The following SLIT3 variants were observed in gnomAD, a reference collection of about 807,000 sequenced individuals.
SLIT3 encodes slit guidance ligand 3.
Under a neutral mutation model 184.0 loss-of-function variants are expected in SLIT3, and 68 were observed. The ratio of observed to expected loss-of-function variants is 0.37; its 90% CI spans 0.30 to 0.45. The LOEUF (loss-of-function observed/expected upper bound fraction) is 0.45. Ranked by LOEUF, SLIT3 falls within the 20% of genes least tolerant of loss-of-function variation. The pLI, the probability that SLIT3 is intolerant of heterozygous loss-of-function variation, is 1.00. For missense variants in SLIT3, 1,707 were observed against 2,026.0 expected, an observed-to-expected ratio of 0.84 and a Z score of 3.02; for synonymous variants, 831 against 828.6, an observed-to-expected ratio of 1.00 and a Z score of -0.05.
intron 20 of SLIT3, among the ~76,000 whole-genome samples, chr5:168,740,431 T>C (rs1296004469): frequency 6.6e-6 from 1 of 152,204 alleles, no homozygotes; most frequent in East Asian, 1.9e-4. Flanking sequence ...GCAACTTTGT[T>C]TTTGTTTTTT....
chr5:168,902,984 G>A (rs1161691620), intron 4 of SLIT3, among the ~76,000 whole-genome samples: 2 of 152,202 alleles, frequency 1.3e-5, no homozygotes, highest in Admixed American at 1.3e-4. Context: ...CTGAGGACGA[G>A]AAGGAGCCAT....
At chr5:168,746,461 G>GT (rs1415414518) in intron 20 of SLIT3, among the ~76,000 whole-genome samples, 1 of 99,674 alleles carries the variant, frequency 1.0e-5, no homozygotes, top group Non-Finnish European at 2.1e-5. Flanking sequence ...AGTGTGTGGT[G>GT]GTGTGCGGTG....
intron 4 of SLIT3, among the ~76,000 whole-genome samples, chr5:168,896,824 C>T (rs1415245285): frequency 6.6e-6 from 1 of 152,126 alleles, no homozygotes; most frequent in African/African-American, 2.4e-5. Context: ...TGGGAAGTGG[C>T]CCCTGCCCAA....
intron 4 of SLIT3, chr5:169,036,527 T>C (rs1757256320): frequency 6.6e-6 from 1 of 152,188 alleles, no homozygotes; most frequent in Non-Finnish European, 1.5e-5. Flanking sequence ...TCTCCCTCCA[T>C]AAAGAACATC....
chr5:169,002,215 A>G (rs1755727406), intron 4 of SLIT3, among the ~76,000 whole-genome samples: 1 of 147,890 alleles, frequency 6.8e-6, no homozygotes, highest in African/African-American at 2.5e-5. Context: ...TCCGGCTACT[A>G]GGGAGGCTAA....
At chr5:169,053,914 C>T (rs1477574719) in intron 4 of SLIT3, among the ~76,000 whole-genome samples, 1 of 151,872 alleles carries the variant, frequency 6.6e-6, no homozygotes, top group Admixed American at 6.6e-5. Context: ...ATGGTGAAAC[C>T]CCATCTCTAC....
chr5:169,206,894 G>T (rs981632360), intron 3 of SLIT3, among the ~76,000 whole-genome samples: 1 of 151,880 alleles, frequency 6.6e-6, no homozygotes, highest in Non-Finnish European at 1.5e-5. Flanking sequence ...CAGGTCCAAG[G>T]TTTTTTTGTT....
chr5:168,897,646 G>GCACACACACACA lies in SLIT3; in HGVS notation c.414-14311_414-14310insTGTGTGTGTGTG. On this transcript the variant is annotated intron_variant, in intron 4 of 35. Transcript: ENST00000519560. ...AGAAAGAGGATGGAGACAGGTGCAC[G>GCACACACACACA]TACACACACACACACACACACACAC... is the stretch of plus-strand genomic sequence containing the variant. Among the ~76,000 whole-genome samples the GCACACACACACA allele has an allele frequency of 4.4e-3, 461 of 105,424 alleles. 6 individuals are homozygous for GCACACACACACA. The highest frequency in any genetic ancestry group is 9.2e-3 in the Middle Eastern group (2 of 218). The allele number at this position is 105,424 out of a possible 152,430, so 69.2% of individuals were successfully genotyped here. A position where few individuals can be genotyped will look rare whatever the true frequency, so the allele number is the denominator to read the frequency against.
At chr5:168,671,668 T>A (rs1341341857) in intron 33 of SLIT3, among the ~76,000 whole-genome samples, 185 bp from the exon 34 acceptor site, 2 of 152,336 alleles carry the variant, frequency 1.3e-5, no homozygotes, top group East Asian at 1.9e-4. Context: ...GGTCCTGCAC[T>A]GGGACTCCTT....
At chr5:169,115,418 C>T (rs1375956363) in intron 4 of SLIT3, among the ~76,000 whole-genome samples, 1 of 152,178 alleles carries the variant, frequency 6.6e-6, no homozygotes, top group African/African-American at 2.4e-5. Flanking sequence ...CCTTTCTTTC[C>T]TAAATGTAGG....
intron 18 of SLIT3, 74 bp downstream of exon 18, chr5:168,752,881 C>T (rs1484241876): frequency 1.4e-6 from 2 of 1,435,720 alleles, no homozygotes; most frequent in African/African-American, 1.4e-5. Context: ...CTAGAGGTAG[C>T]AGGGAGCTGG....
intron 4 of SLIT3, among the ~76,000 whole-genome samples, chr5:169,055,277 A>T (rs1257364561): frequency 6.6e-6 from 1 of 152,220 alleles, no homozygotes; most frequent in Non-Finnish European, 1.5e-5. Context: ...TAGATTAGAA[A>T]GATGGATAGT....
intron 1 of SLIT3, among the ~76,000 whole-genome samples, chr5:169,277,828 T>C (rs1008635449): frequency 6.6e-6 from 1 of 152,242 alleles, no homozygotes; most frequent in Admixed American, 6.5e-5. Context: ...TTTAAGAAAC[T>C]GCCTTACTGT....
At chr5:169,173,172 A>T (rs1353226457) in intron 4 of SLIT3, among the ~76,000 whole-genome samples, 1 of 152,206 alleles carries the variant, frequency 6.6e-6, no homozygotes, top group Non-Finnish European at 1.5e-5. Flanking sequence ...GAGGCAGGAT[A>T]ATCGCTTGAA....
chr5:168,828,916 C>T (rs1030508279), intron 6 of SLIT3, among the ~76,000 whole-genome samples: 3 of 152,162 alleles, frequency 2.0e-5, no homozygotes, highest in Non-Finnish European at 2.9e-5. Flanking sequence ...TCTTTTGCAG[C>T]AACTAGGACT....
At chr5:169,298,848 T>G (rs181974055) in intron 1 of SLIT3, among the ~76,000 whole-genome samples, 25 of 152,316 alleles carry the variant, frequency 1.6e-4, no homozygotes, top group African/African-American at 5.8e-4. Flanking sequence ...GTTGGAGTGA[T>G]TCAATGAGAT....
intron 4 of SLIT3, among the ~76,000 whole-genome samples, chr5:169,154,096 C>T (rs1304508210): frequency 6.6e-6 from 1 of 152,036 alleles, no homozygotes; most frequent in Non-Finnish European, 1.5e-5. Flanking sequence ...CCTCAGCCTC[C>T]TGAGTAGCTG....
At chr5:168,881,285 G>T (rs115492346) in intron 5 of SLIT3, among the ~76,000 whole-genome samples, 4 of 152,156 alleles carry the variant, frequency 2.6e-5, no homozygotes, top group Non-Finnish European at 5.9e-5. Context: ...AGGCCTTTGC[G>T]TAGTTAGAGA....
At chr5:168,902,574 T>C (rs906312847) in intron 4 of SLIT3, among the ~76,000 whole-genome samples, 15 of 152,224 alleles carry the variant, frequency 9.9e-5, no homozygotes, top group African/African-American at 3.6e-4. Context: ...TCTCAAAGTA[T>C]GGTCTCTAGA....
Sources: allele counts gnomAD v4.1 joint callset (sites outside exome capture counted in the v4.1 genomes callset), GRCh38; gene constraint gnomAD v4.1.1; transcripts MANE v1.5; gene names NCBI Gene and HGNC (gene_info 2026-07-23, HGNC 2026-07-21).